The following TP53BP2 variants were observed in gnomAD, a reference collection of about 807,000 sequenced individuals.
TP53BP2 encodes apoptosis-stimulating of p53 protein 2.
TP53BP2 carries 62 observed loss-of-function variants against 126.2 expected under a neutral mutation model. The observed-to-expected ratio is 0.49, with a 90% CI of 0.40 to 0.61. The LOEUF (loss-of-function observed/expected upper bound fraction) is 0.61. TP53BP2 is among the 20% of genes least tolerant of loss of function. The pLI is 0.00. For synonymous variants in TP53BP2, 485 were observed against 502.9 expected, an observed-to-expected ratio of 0.96 and a Z score of 0.48; for missense variants, 1,215 against 1,402.8, an observed-to-expected ratio of 0.87 and a Z score of 2.14.
At chr1:223,800,654 A>G (rs1421597895) in intron 10 of TP53BP2, 46 bp downstream of exon 10, 1 of 1,443,696 alleles carries the variant, frequency 6.9e-7, no homozygotes, top group Non-Finnish European at 9.5e-7. Flanking sequence ...AGCACCTTTC[A>G]GATGACCAAA....
intron 1 of TP53BP2, among the ~76,000 whole-genome samples, chr1:223,840,058 A>G (rs1664056841): frequency 1.3e-5 from 2 of 152,236 alleles, no homozygotes; most frequent in South Asian, 2.1e-4. Flanking sequence ...TTTTATGTAG[A>G]AAAAAAGTTT....
At chr1:223,787,725 A>G (rs1458233102) in intron 16 of TP53BP2, among the ~76,000 whole-genome samples, 2 of 152,106 alleles carry the variant, frequency 1.3e-5, no homozygotes, top group Non-Finnish European at 2.9e-5. Flanking sequence ...TAAAAATACA[A>G]AAACTAGCTG....
At chr1:223,821,529 G>T in intron 1 of TP53BP2, 162 bp from the exon 2 acceptor site, 1 of 923,420 alleles carries the variant, frequency 1.1e-6, no homozygotes, top group Non-Finnish European at 1.8e-6. Context: ...ACTGGGGGTT[G>T]AGGGAGACCT....
At chr1:223,780,970 G>T in intron 17 of TP53BP2, 76 bp from the exon 18 acceptor site, 1 of 1,371,774 alleles carries the variant, frequency 7.3e-7, no homozygotes, top group Non-Finnish European at 1.0e-6. Context: ...GAAATAATGA[G>T]GTTAGGGGAC....
At chr1:223,788,932 C>G in intron 16 of TP53BP2, 76 bp downstream of exon 16, 1 of 1,484,638 alleles carries the variant, frequency 6.7e-7, no homozygotes, top group Non-Finnish European at 9.2e-7. Flanking sequence ...AACAAAAATA[C>G]TTATTGAATT....
intron 1 of TP53BP2, among the ~76,000 whole-genome samples, chr1:223,842,848 G>A (rs1425248417): frequency 1.3e-5 from 2 of 152,188 alleles, no homozygotes; most frequent in Non-Finnish European, 2.9e-5. Flanking sequence ...CTCTCAAAGT[G>A]CAAATAATCT....
chr1:223,787,521 G>T (rs1435443268), intron 16 of TP53BP2, among the ~76,000 whole-genome samples: 1 of 151,744 alleles, frequency 6.6e-6, no homozygotes, highest in Admixed American at 6.6e-5. Context: ...GAGACAAGAG[G>T]ATTCTCTGAG....
rs1662403224 is a variant in TP53BP2, at chr1:223,798,321, T to C, written c.1842A>G (p.Ser614=). Reference sequence around the variant, plus strand: ...GCTGTTGCGTATACATGGAATATATTGAACTTGCTGCCACGGTCTGGGGTT... The same window carrying C: ...GCTGTTGCGTATACATGGAATATATCGAACTTGCTGCCACGGTCTGGGGTT... The part of the protein sequence containing the change: ...FRKPQTVAAS[S]IYSMYTQQQA... Residue 614 remains serine (S), a synonymous_variant, in exon 12 of 18, where the codon TCA becomes TCG. Transcript: ENST00000343537. The C allele has an allele frequency of 1.2e-6, 2 of 1,614,214 alleles. No homozygotes were observed. Among genetic ancestry groups the C allele is most frequent in the South Asian group, 1.1e-5 (1 of 91,086 alleles).
At chr1:223,829,264 A>C (rs1454269826) in intron 1 of TP53BP2, among the ~76,000 whole-genome samples, 1 of 152,128 alleles carries the variant, frequency 6.6e-6, no homozygotes, top group Non-Finnish European at 1.5e-5. Flanking sequence ...AGTCCAGGAG[A>C]TCACTGCATG....
In TP53BP2 at chr1:223,803,009, CCCTCCACA is replaced by C. The variant is rs1474375570; in HGVS notation, c.832-122_832-115del. ...TTCTAAAAATATGAGGTCCCTCCAC[CCCTCCACA>C]CTTCTCATCTCATGGTTTAAAATTA... On this transcript the variant is annotated intron_variant, in intron 7 of 17. Coordinates refer to ENST00000343537, the MANE Select transcript of TP53BP2 (RefSeq NM_001031685.3). 9 of 1,132,106 alleles carry C rather than the reference CCCTCCACA, an allele frequency of 7.9e-6. No homozygotes were observed. The South Asian group carries it at 1.1e-4, about 14-fold the overall frequency. The allele number at this position is 1,132,106 out of a possible 1,614,324, so 70.1% of individuals were successfully genotyped here. A position where few individuals can be genotyped will look rare whatever the true frequency, so the allele number is the denominator to read the frequency against.
chr1:223,812,264 T>C (rs1183989528), intron 3 of TP53BP2, among the ~76,000 whole-genome samples: 3 of 152,174 alleles, frequency 2.0e-5, no homozygotes, highest in Non-Finnish European at 4.4e-5. Flanking sequence ...ATCTGTAGGG[T>C]AGAAGGGGCC....
intron 2 of TP53BP2, among the ~76,000 whole-genome samples, chr1:223,815,457 C>T (rs1001206104): frequency 6.6e-6 from 1 of 152,164 alleles, no homozygotes; most frequent in Admixed American, 6.5e-5. Context: ...CCCTTCCACC[C>T]ACCCCTACAA....
chr1:223,819,331 T>C (rs1663213449), intron 2 of TP53BP2, among the ~76,000 whole-genome samples: 1 of 152,004 alleles, frequency 6.6e-6, no homozygotes, highest in South Asian at 2.1e-4. Context: ...ATAGAACACT[T>C]CTTCCTCTAT....
intron 1 of TP53BP2, among the ~76,000 whole-genome samples, chr1:223,842,820 G>A (rs559116300): frequency 3.3e-5 from 5 of 152,298 alleles, no homozygotes; most frequent in Middle Eastern, 6.8e-3. Context: ...ACAACATGCG[G>A]ATCACTAAAA....
intron 1 of TP53BP2, among the ~76,000 whole-genome samples, chr1:223,827,499 A>C (rs745952335): frequency 1.3e-5 from 2 of 152,188 alleles, no homozygotes; most frequent in Non-Finnish European, 2.9e-5. Context: ...AACCTGAGGG[A>C]AGGAAGCAGA....
At chr1:223,787,903 T>G (rs183520124) in intron 16 of TP53BP2, among the ~76,000 whole-genome samples, 7 of 151,572 alleles carry the variant, frequency 4.6e-5, no homozygotes, top group African/African-American at 1.7e-4. Flanking sequence ...AATAAATAAA[T>G]AGATAATAAT....
chr1:223,813,648 T>A (rs1165230790), intron 3 of TP53BP2, among the ~76,000 whole-genome samples: 2 of 152,198 alleles, frequency 1.3e-5, no homozygotes, highest in Admixed American at 1.3e-4. Context: ...TTTTCTTCTC[T>A]TCTTACAACC....
At chr1:223,821,073 GC>G in intron 2 of TP53BP2, 146 bp downstream of exon 2, 7 of 972,712 alleles carry the variant, frequency 7.2e-6, no homozygotes, top group Non-Finnish European at 1.1e-5. Flanking sequence ...TCATACCAAA[GC>G]TGGATCAGGA....
chr1:223,784,086 A>T (rs772719908), intron 17 of TP53BP2, 29 bp downstream of exon 17: 2 of 1,608,522 alleles, frequency 1.2e-6, no homozygotes, highest in Non-Finnish European at 8.5e-7. Flanking sequence ...GGCACATATG[A>T]AAACACCGTA....
Sources: allele counts gnomAD v4.1 joint callset (sites outside exome capture counted in the v4.1 genomes callset), GRCh38; gene constraint gnomAD v4.1.1; transcripts MANE v1.5; gene names NCBI Gene and HGNC (gene_info 2026-07-23, HGNC 2026-07-21).